The following PIAS1 variants were observed in gnomAD, a reference collection of about 807,000 sequenced individuals.
The protein encoded by PIAS1 is E3 SUMO-protein ligase PIAS1.
A neutral mutation model predicts 71.3 loss-of-function variants in PIAS1; 6 were observed. That is an observed-to-expected ratio of 0.08 (90% CI 0.05 to 0.17). The LOEUF (loss-of-function observed/expected upper bound fraction) is 0.17, where lower values mean the gene tolerates loss of function less well. Among genes scored for constraint, PIAS1 ranks in the 10% least tolerant of loss-of-function variants. The pLI, the probability that PIAS1 is intolerant of heterozygous loss-of-function variation, is 1.00. For missense variants in PIAS1, 555 were observed against 793.6 expected (o/e 0.70, Z 3.61); for synonymous variants, 303 against 292.9 (o/e 1.03, Z -0.35).
chr15:68,193,341 T>C lies in PIAS1; in HGVS notation c.*5506T>C, dbSNP rs576192196. 1.3e-5 allele frequency: 2 copies of C among 152,468 alleles called. No individual in the cohort carries two copies. Among genetic ancestry groups the C allele is most frequent in the South Asian group, 4.1e-4 (2 of 4,828 alleles). The allele number at this position is 152,468 out of a possible 1,614,324, so 9.4% of individuals were successfully genotyped here. Reference sequence around the variant, plus strand: ...GCTCTCAGCTGATGCTGCCTCATTGTAGCATGTGTTTTCACTCTAGTGTTT... The same window carrying C: ...GCTCTCAGCTGATGCTGCCTCATTGCAGCATGTGTTTTCACTCTAGTGTTT... On this transcript the variant is annotated 3_prime_UTR_variant, in exon 14 of 14. Coordinates refer to ENST00000249636, the MANE Select transcript of PIAS1 (RefSeq NM_016166.3).
chr15:68,153,276 A>G (rs150831420), intron 6 of PIAS1, among the ~76,000 whole-genome samples: 1 of 152,172 alleles, frequency 6.6e-6, no homozygotes, highest in Admixed American at 6.5e-5. Context: ...AGCTTCAAGT[A>G]TAGGTAATAT....
At chr15:68,096,782 T>C (rs1331472922) in intron 2 of PIAS1, among the ~76,000 whole-genome samples, 1 of 152,176 alleles carries the variant, frequency 6.6e-6, no homozygotes, top group Non-Finnish European at 1.5e-5. Context: ...AGTTTTCCTG[T>C]TTGTTTCTTA....
chr15:68,135,297 A>C (rs1439653813), intron 2 of PIAS1, among the ~76,000 whole-genome samples: 1 of 17,010 alleles, frequency 5.9e-5, no homozygotes, highest in Non-Finnish European at 2.4e-4. Context: ...GAGGCTCCTC[A>C]CTTCCCAGTA....
At chr15:68,124,413 T>G (rs2092635528) in intron 2 of PIAS1, among the ~76,000 whole-genome samples, 2 of 151,594 alleles carry the variant, frequency 1.3e-5, no homozygotes, top group South Asian at 2.1e-4. Context: ...TTTGTTTTTT[T>G]TTTTTCATTC....
intron 6 of PIAS1, among the ~76,000 whole-genome samples, chr15:68,153,279 G>A (rs555873904): frequency 7.2e-5 from 11 of 152,180 alleles, no homozygotes; most frequent in South Asian, 2.1e-4. Flanking sequence ...TTCAAGTATA[G>A]GTAATATTAA....
At chr15:68,150,502 A>G (rs1448377164) in intron 6 of PIAS1, among the ~76,000 whole-genome samples, 1 of 152,226 alleles carries the variant, frequency 6.6e-6, no homozygotes. Context: ...CATGTAGAAT[A>G]TCTTACTATT....
At chr15:68,182,994 C>G (rs1474358252) in intron 12 of PIAS1, among the ~76,000 whole-genome samples, 3 of 152,172 alleles carry the variant, frequency 2.0e-5, no homozygotes, top group Non-Finnish European at 4.4e-5. Flanking sequence ...GCATTACACA[C>G]TGGGTGATCT....
chr15:68,076,134 G>A (rs1471735228), intron 1 of PIAS1, among the ~76,000 whole-genome samples: 1 of 152,070 alleles, frequency 6.6e-6, no homozygotes, highest in Non-Finnish European at 1.5e-5. Context: ...ACTTGTTTCT[G>A]TCTAAAACTT....
intron 6 of PIAS1, among the ~76,000 whole-genome samples, chr15:68,150,384 G>A: frequency 6.6e-6 from 1 of 152,200 alleles, no homozygotes; most frequent in South Asian, 2.1e-4. Context: ...TTTTTCTGGG[G>A]AAGTAAAACA....
In PIAS1 at chr15:68,193,824, T is replaced by C; in HGVS notation, c.*5989T>C. The C allele has an allele frequency of 1.8e-6, 1 of 556,108 alleles. No homozygotes were observed. Among genetic ancestry groups the C allele is most frequent in the Non-Finnish European group, 3.2e-6 (1 of 312,028 alleles). 34.4% of individuals were successfully genotyped at this position (556,108 alleles called of 1,614,324 possible). The stretch of plus-strand genomic sequence containing the variant: ...TAGTTAATAAAATCAATACAAATCT[T>C]TTATTAAAGATCTACTCATACCATG... On this transcript the variant is annotated 3_prime_UTR_variant, in exon 14 of 14. Transcript: ENST00000249636.
rs561938001 is a variant in PIAS1 at position 68,081,683 on chromosome 15, T to C, written c.25-4623T>C. 5.3e-5 allele frequency among the ~76,000 whole-genome samples: 8 copies of C among 151,608 alleles called. No homozygotes were observed. The South Asian group carries it at 8.3e-4, about 16-fold the overall frequency. On this transcript the variant is annotated intron_variant, in intron 1 of 13. Transcript: ENST00000249636. ...TAAAATTGAGGAAAATCCCAGAAGATAGAGCTAAAAGACAAGAGATGTAAA... is the reference window on the plus strand; with the variant it reads ...TAAAATTGAGGAAAATCCCAGAAGACAGAGCTAAAAGACAAGAGATGTAAA...
intron 1 of PIAS1, among the ~76,000 whole-genome samples, chr15:68,082,126 C>G (rs1478172427): frequency 6.6e-6 from 1 of 152,104 alleles, no homozygotes; most frequent in Non-Finnish European, 1.5e-5. Context: ...TGTACTGAGC[C>G]AAACTCAGTC....
intron 10 of PIAS1, among the ~76,000 whole-genome samples, chr15:68,176,201 A>G (rs1161153359): frequency 6.6e-6 from 1 of 152,320 alleles, no homozygotes; most frequent in East Asian, 1.9e-4. Flanking sequence ...AAATTAATAT[A>G]CCGTCTGCTC....
At chr15:68,165,737 G>T (rs553315718) in intron 8 of PIAS1, among the ~76,000 whole-genome samples, 3 of 152,280 alleles carry the variant, frequency 2.0e-5, no homozygotes, top group African/African-American at 7.2e-5. Flanking sequence ...TTTGGTAGGG[G>T]TGGTGGTTGA....
intron 8 of PIAS1, among the ~76,000 whole-genome samples, chr15:68,172,565 C>G (rs1595788276): frequency 6.6e-6 from 1 of 152,210 alleles, no homozygotes; most frequent in Admixed American, 6.5e-5. Flanking sequence ...TTCTCCACAT[C>G]CTCTCCAGCA....
chr15:68,112,992 C>T (rs1216148248), intron 2 of PIAS1, among the ~76,000 whole-genome samples: 1 of 152,090 alleles, frequency 6.6e-6, no homozygotes, highest in African/African-American at 2.4e-5. Flanking sequence ...TTAAAGTATG[C>T]TACATCTATA....
intron 2 of PIAS1, among the ~76,000 whole-genome samples, chr15:68,132,050 AG>A (rs1262085002): frequency 2.0e-5 from 3 of 149,362 alleles, no homozygotes; most frequent in Non-Finnish European, 4.4e-5. Flanking sequence ...AAAAAAAAAA[AG>A]AAAAGAAAAG....
intron 1 of PIAS1, among the ~76,000 whole-genome samples, chr15:68,077,352 T>C (rs1359235016): frequency 2.6e-5 from 4 of 152,246 alleles, no homozygotes; most frequent in African/African-American, 9.6e-5. Flanking sequence ...CTGAGTACTA[T>C]GGACTGCAGA....
At chr15:68,121,262 T>TG (rs1248341664) in intron 2 of PIAS1, among the ~76,000 whole-genome samples, 1 of 121,356 alleles carries the variant, frequency 8.2e-6, no homozygotes, top group Non-Finnish European at 1.8e-5. Flanking sequence ...CATGTTTTTT[T>TG]GTTTTTTTTT....
Sources: allele counts gnomAD v4.1 joint callset (sites outside exome capture counted in the v4.1 genomes callset), GRCh38; gene constraint gnomAD v4.1.1; transcripts MANE v1.5; gene names NCBI Gene and HGNC (gene_info 2026-07-23, HGNC 2026-07-21).